SEPTIN9: variants seen among roughly 807,000 people sequenced by gnomAD.
SEPTIN9 encodes the protein septin-9.
A neutral mutation model predicts 56.6 loss-of-function variants in SEPTIN9; 13 were observed. The ratio of observed to expected loss-of-function variants is 0.23; its 90% CI spans 0.15 to 0.37. The LOEUF is 0.37. SEPTIN9 is among the 10% of genes least tolerant of loss of function. SEPTIN9 has a pLI of 1.00. For synonymous variants in SEPTIN9, 332 were observed against 334.1 expected (o/e 0.99, Z 0.07); for missense variants, 650 against 823.1 (o/e 0.79, Z 2.57).
intron 4 of SEPTIN9, among the ~76,000 whole-genome samples, chr17:77,484,998 TGA>T: frequency 1.6e-5 from 1 of 63,852 alleles, no homozygotes; most frequent in Non-Finnish European, 3.3e-5. Context: ...GTGATGGTGG[TGA>T]AGGGGGTGAT....
At chr17:77,486,487 G>GGTGTGT (rs773025304) in intron 4 of SEPTIN9, among the ~76,000 whole-genome samples, 6,223 of 143,650 alleles carry the variant, frequency 0.043, 161 homozygotes, top group Non-Finnish European at 0.049. Flanking sequence ...AGTCTGGAGG[G>GGTGTGT]GTGTGTGTGT....
intron 3 of SEPTIN9, 75 bp from the exon 4 acceptor site, chr17:77,482,069 G>T (rs1208910955): frequency 1.5e-5 from 21 of 1,396,744 alleles, no homozygotes; most frequent in Non-Finnish European, 1.7e-5. Context: ...CCAAGGATGG[G>T]TGTGACAACC....
At chr17:77,378,509 C>T (rs1043870413) in intron 2 of SEPTIN9, among the ~76,000 whole-genome samples, 6 of 151,882 alleles carry the variant, frequency 4.0e-5, no homozygotes, top group African/African-American at 7.3e-5. Flanking sequence ...GGCATCTGGG[C>T]GGGAAAAGGG....
At chr17:77,366,281 C>T (rs1299460773) in intron 2 of SEPTIN9, among the ~76,000 whole-genome samples, 1 of 152,074 alleles carries the variant, frequency 6.6e-6, no homozygotes, top group Non-Finnish European at 1.5e-5. Context: ...CAGTCTCAGA[C>T]GGGTGCTAGG....
At position 77,307,184 on chromosome 17, in the gene SEPTIN9, C is replaced by T. The variant is rs1567984695; in HGVS notation, c.63C>T (p.Asp21=). The T allele has an allele frequency of 1.9e-6, 3 of 1,613,866 alleles. No individual in the cohort carries two copies. The highest frequency in any genetic ancestry group is 2.5e-6 in the Non-Finnish European group (3 of 1,179,852). Residue 21 remains aspartate, a synonymous_variant, in exon 2 of 12, where the codon GAC becomes GAT. Coordinates refer to ENST00000427177, the MANE Select transcript of SEPTIN9 (RefSeq NM_001113491.2). ...TSSGRLRRLG[D]SSGPALKRSF... ...GTGGCCGGCTCCGGAGGCTTGGTGA[C>T]TCCAGTGGCCCAGGTAGGTGGCTCG...
chr17:77,358,678 C>G (rs1568012557), intron 2 of SEPTIN9, among the ~76,000 whole-genome samples: 3 of 152,074 alleles, frequency 2.0e-5, no homozygotes, highest in Non-Finnish European at 2.9e-5. Context: ...AAAATTAAAA[C>G]CAAATGCCAA....
chr17:77,488,382 C>A, intron 6 of SEPTIN9, 61 bp downstream of exon 6: 1 of 1,465,872 alleles, frequency 6.8e-7, no homozygotes, highest in Non-Finnish European at 9.5e-7. Context: ...GGACCCCACC[C>A]AGAGTCAGCC....
intron 3 of SEPTIN9, among the ~76,000 whole-genome samples, chr17:77,409,909 G>A (rs1031782798): frequency 6.6e-6 from 1 of 152,210 alleles, no homozygotes; most frequent in African/African-American, 2.4e-5. Context: ...CTGGATTCCA[G>A]CAGACAGCCT....
intron 3 of SEPTIN9, among the ~76,000 whole-genome samples, chr17:77,403,548 G>A (rs1337418121): frequency 6.6e-6 from 1 of 152,212 alleles, no homozygotes; most frequent in Non-Finnish European, 1.5e-5. Context: ...TGTGGGACAT[G>A]GTTGGGTCCC....
intron 3 of SEPTIN9, among the ~76,000 whole-genome samples, chr17:77,431,199 C>G (rs1439056753): frequency 6.6e-6 from 1 of 152,092 alleles, no homozygotes; most frequent in Non-Finnish European, 1.5e-5. Context: ...GTCCCAGCTC[C>G]TCAGGAGGCT....
intron 4 of SEPTIN9, among the ~76,000 whole-genome samples, chr17:77,486,556 TTGTG>T (rs2039801512): frequency 1.4e-5 from 2 of 141,216 alleles, no homozygotes; most frequent in African/African-American, 5.4e-5. Context: ...TGTGATTTGT[TTGTG>T]TGTGTTGTGA....
chr17:77,498,968 T>A lies in SEPTIN9; in HGVS notation c.*310T>A. ...AGGGCTCAGAAGAGCAGCTTCGGTG[T>A]GCAGATCATCCGTCTGTGTGGGGTT... On this transcript the variant is annotated 3_prime_UTR_variant, in exon 12 of 12. Transcript: ENST00000427177. 1.8e-6 allele frequency: 1 copy of A among 546,344 alleles called. No homozygotes were observed. Among genetic ancestry groups the A allele is most frequent in the Non-Finnish European group, 3.5e-6 (1 of 283,574 alleles). The allele number at this position is 546,344 out of a possible 1,614,324, so 33.8% of individuals were successfully genotyped here.
intron 2 of SEPTIN9, among the ~76,000 whole-genome samples, chr17:77,354,649 C>A (rs978285790): frequency 1.3e-5 from 2 of 152,126 alleles, no homozygotes; most frequent in Admixed American, 6.6e-5. Flanking sequence ...TGGGGTGGAT[C>A]ATTTCTCCTC....
Position 77,488,856 on chromosome 17 carries a change from C to T in SEPTIN9, c.1254C>T (p.Thr418=), listed in dbSNP as rs767637229. 1.3e-5 allele frequency: 21 copies of T among 1,613,632 alleles called. No individual in the cohort carries two copies. Among genetic ancestry groups the T allele is most frequent in the East Asian group, 6.7e-5 (3 of 44,888 alleles). The change falls in exon 7 of 12, where the codon ACC becomes ACT. Residue 418 remains threonine (T), a synonymous_variant. Transcript: ENST00000427177. ...VHCCLYFIPA[T]GHSLRPLDIE... ...GCTGCCTCTACTTCATCCCCGCCAC[C>T]GGCCACTCGTACGTCCCTGCAGTGT... is the stretch of plus-strand genomic sequence containing the variant.
chr17:77,479,318 G>A (rs1181469111), intron 3 of SEPTIN9, among the ~76,000 whole-genome samples: 1 of 152,232 alleles, frequency 6.6e-6, no homozygotes, highest in African/African-American at 2.4e-5. Flanking sequence ...GGATGAAAGT[G>A]TCTCTGGGTA....
chr17:77,347,819 C>G (rs1053206339), intron 2 of SEPTIN9, among the ~76,000 whole-genome samples: 1 of 152,106 alleles, frequency 6.6e-6, no homozygotes, highest in Admixed American at 6.6e-5. Flanking sequence ...ATAGTCAACA[C>G]TTTATTATAA....
intron 1 of SEPTIN9, among the ~76,000 whole-genome samples, chr17:77,301,210 G>T (rs1010603967): frequency 6.6e-6 from 1 of 152,036 alleles, no homozygotes; most frequent in Admixed American, 6.6e-5. Flanking sequence ...GCTATCTCAA[G>T]AGCTTTTTAA....
intron 3 of SEPTIN9, among the ~76,000 whole-genome samples, chr17:77,409,271 C>T (rs567297461): frequency 7.3e-6 from 1 of 137,520 alleles, no homozygotes; most frequent in African/African-American, 2.9e-5. Flanking sequence ...GGAAGTCCCG[C>T]ATGTGCTGGG....
chr17:77,342,248 G>A (rs897159497), intron 2 of SEPTIN9, among the ~76,000 whole-genome samples: 5 of 152,190 alleles, frequency 3.3e-5, no homozygotes, highest in African/African-American at 1.2e-4. Context: ...TTGATGCAGG[G>A]CTGCCACGAA....
Sources: gnomAD v4.1 joint callset for allele counts (sites outside exome capture counted in the v4.1 genomes callset) on GRCh38, gnomAD v4.1.1 for gene constraint, MANE v1.5 for transcripts, NCBI Gene and HGNC (gene_info 2026-07-23, HGNC 2026-07-21) for gene names.